PRMT3: variants seen among roughly 807,000 people sequenced by gnomAD.
PRMT3 encodes protein arginine N-methyltransferase 3.
PRMT3 carries 62 observed loss-of-function variants against 71.9 expected under a neutral mutation model. The observed-to-expected ratio is 0.86, with a 90% CI of 0.70 to 1.07. The LOEUF is 1.07. Among genes scored for constraint, PRMT3 ranks in the 50% least tolerant of loss-of-function variants. The probability of loss-of-function intolerance (pLI) is 0.00; values close to 1 mark genes in which losing one functional copy is unlikely to be tolerated. For missense variants in PRMT3, 663 were observed against 643.0 expected, an observed-to-expected ratio of 1.03 and a Z score of -0.34; for synonymous variants, 213 against 220.4, an observed-to-expected ratio of 0.97 and a Z score of 0.30.
chr11:20,493,265 C>T (rs1233631108), intron 13 of PRMT3, among the ~76,000 whole-genome samples: 1 of 151,632 alleles, frequency 6.6e-6, no homozygotes, highest in Non-Finnish European at 1.5e-5. Context: ...AAATAAGTAA[C>T]ATTTTAAAAA....
chr11:20,469,485 T>C (rs1850592228), intron 13 of PRMT3, among the ~76,000 whole-genome samples: 1 of 152,226 alleles, frequency 6.6e-6, no homozygotes, highest in Non-Finnish European at 1.5e-5. Context: ...GTTGTTTACC[T>C]TAAAAATGAA....
Position 20,388,108 on chromosome 11 carries a change from GATCTCCCC to G in PRMT3, c.119_126del (p.Asp40AlafsTer12). On this transcript the variant is annotated frameshift_variant, in exon 2 of 16. Coordinates refer to ENST00000331079, the MANE Select transcript of PRMT3 (RefSeq NM_005788.4). LOFTEE classifies it high-confidence loss of function. The stretch of plus-strand genomic sequence containing the variant: ...CGCCTGGGAGGATGAGGACGATGCA[GATCTCCCC>G]CACGGCAAGCAGCAGACCCCCTGCC... The G allele has an allele frequency of 6.2e-7, 1 of 1,614,082 alleles. No homozygotes were observed. The highest frequency in any genetic ancestry group is 8.5e-7 in the Non-Finnish European group (1 of 1,180,006).
chr11:20,451,540 T>C (rs563405197), intron 10 of PRMT3, among the ~76,000 whole-genome samples: 10 of 152,050 alleles, frequency 6.6e-5, no homozygotes, highest in Non-Finnish European at 1.3e-4. Flanking sequence ...CAGGAAATTA[T>C]TTGGGAAGTG....
chr11:20,433,958 C>T (rs906181250), intron 10 of PRMT3, among the ~76,000 whole-genome samples: 3 of 152,080 alleles, frequency 2.0e-5, no homozygotes, highest in East Asian at 1.9e-4. Flanking sequence ...AATTACCATA[C>T]TGCTTTCCAC....
chr11:20,501,000 G>A (rs1851445446), intron 15 of PRMT3, among the ~76,000 whole-genome samples: 3 of 152,118 alleles, frequency 2.0e-5, no homozygotes, highest in Non-Finnish European at 4.4e-5. Flanking sequence ...GTAAGCTCAT[G>A]TACTCCAGTT....
chr11:20,477,916 T>TCGGGCC (rs2133428093), intron 13 of PRMT3, among the ~76,000 whole-genome samples: 1 of 151,632 alleles, frequency 6.6e-6, no homozygotes, highest in African/African-American at 2.4e-5. Context: ...TTTGGATTTC[T>TCGGGCC]CCAAATTCCA....
At chr11:20,416,787 A>G (rs1849315045) in intron 9 of PRMT3, among the ~76,000 whole-genome samples, 1 of 152,178 alleles carries the variant, frequency 6.6e-6, no homozygotes, top group African/African-American at 2.4e-5. Context: ...ATAGCCCGTT[A>G]TGGTTCCAGG....
At chr11:20,488,824 AATGAG>A (rs1315018639) in intron 13 of PRMT3, among the ~76,000 whole-genome samples, 7 of 152,216 alleles carry the variant, frequency 4.6e-5, no homozygotes, top group Non-Finnish European at 1.0e-4. Context: ...TTGTTCTTCA[AATGAG>A]TGTATATTAA....
At chr11:20,454,328 A>G (rs1850219685) in intron 11 of PRMT3, among the ~76,000 whole-genome samples, 1 of 152,198 alleles carries the variant, frequency 6.6e-6, no homozygotes, top group African/African-American at 2.4e-5. Flanking sequence ...TGAGGAACTG[A>G]CAGCAACTTA....
rs750696903 is a variant in PRMT3, at chr11:20,452,192, G to A, written c.1056G>A (p.Leu352=). 3 of 1,606,180 alleles carry A rather than the reference G, an allele frequency of 1.9e-6. No individual in the cohort carries two copies. The highest frequency in any genetic ancestry group is 2.6e-6 in the Non-Finnish European group (3 of 1,173,418). Residue 352 remains leucine, a synonymous_variant, in exon 11 of 16, where the codon TTG becomes TTA. Transcript: ENST00000331079. The part of the protein sequence containing the change: ...DSVLYAKNKY[L]AKGGSVYPDI... Reference sequence around the variant, plus strand: ...TCCTTTATGCAAAGAACAAATACTTGGCAAAAGGAGGCTCGGGTGAGTATA... The same window carrying A: ...TCCTTTATGCAAAGAACAAATACTTAGCAAAAGGAGGCTCGGGTGAGTATA...
chr11:20,440,226 C>T (rs945387280), intron 10 of PRMT3, among the ~76,000 whole-genome samples: 13 of 152,138 alleles, frequency 8.5e-5, no homozygotes, highest in Non-Finnish European at 1.9e-4. Context: ...GATAGTGGCT[C>T]ACTCTTGTAA....
chr11:20,399,144 A>G (rs971631316), intron 7 of PRMT3, among the ~76,000 whole-genome samples: 3 of 152,216 alleles, frequency 2.0e-5, no homozygotes, highest in African/African-American at 7.2e-5. Flanking sequence ...AGATGCCACC[A>G]TTACCTGTTC....
At chr11:20,477,334 T>C (rs570741978) in intron 13 of PRMT3, among the ~76,000 whole-genome samples, 2 of 152,158 alleles carry the variant, frequency 1.3e-5, no homozygotes, top group Admixed American at 1.3e-4. Context: ...CCAGCACTTT[T>C]GGAGGCTGAG....
At chr11:20,409,021 G>T (rs569217449) in intron 9 of PRMT3, among the ~76,000 whole-genome samples, 1 of 152,234 alleles carries the variant, frequency 6.6e-6, no homozygotes, top group South Asian at 2.1e-4. Flanking sequence ...TGATAGACCT[G>T]GGGAAGTGGA....
chr11:20,464,650 G>A, intron 13 of PRMT3, 104 bp downstream of exon 13: 2 of 1,504,788 alleles, frequency 1.3e-6, no homozygotes, highest in Non-Finnish European at 1.8e-6. Context: ...AATGACTATT[G>A]CCTCTGACAG....
At chr11:20,440,371 T>C (rs58649734) in intron 10 of PRMT3, among the ~76,000 whole-genome samples, 7,220 of 151,250 alleles carry the variant, frequency 0.048, 287 homozygotes, top group East Asian at 0.2. Flanking sequence ...AGAGGCCGGG[T>C]GTGGTGGCTC....
intron 13 of PRMT3, among the ~76,000 whole-genome samples, chr11:20,483,079 T>A (rs892507067): frequency 6.6e-6 from 1 of 152,116 alleles, no homozygotes; most frequent in Non-Finnish European, 1.5e-5. Context: ...GTCCCCCTTT[T>A]ACCGTCTGTT....
intron 10 of PRMT3, among the ~76,000 whole-genome samples, chr11:20,445,738 C>A (rs115047333): frequency 0.032 from 4,905 of 152,212 alleles, 191 homozygotes; most frequent in Admixed American, 0.12. Context: ...CCTTGCCTTT[C>A]TTTTTGCTGT....
At position 20,389,787 on chromosome 11, in the gene PRMT3, G is replaced by C; in HGVS notation, c.208G>C (p.Glu70Gln). The C allele has an allele frequency of 6.2e-7, 1 of 1,612,446 alleles. No homozygotes were observed. Residue 70 changes from glutamate (E) to glutamine (Q), a missense_variant, in exon 3 of 16, where the codon GAG (glutamate) becomes CAG (glutamine). Coordinates refer to ENST00000331079, the MANE Select transcript of PRMT3 (RefSeq NM_005788.4). ...AEETFSHCKS[E>Q]HQFNIDSMVH... ...AGAAACATTTTCACACTGTAAGTCT[G>C]AGCATCAGTTTAATATTGACAGCAT...
Sources: allele counts gnomAD v4.1 joint callset (sites outside exome capture counted in the v4.1 genomes callset), GRCh38; gene constraint gnomAD v4.1.1; transcripts MANE v1.5; gene names NCBI Gene and HGNC (gene_info 2026-07-23, HGNC 2026-07-21).